The following SHISA9 variants were observed in gnomAD, a reference collection of about 807,000 sequenced individuals.
SHISA9 encodes the protein shisa family member 9, also known as protein shisa-9.
A neutral mutation model predicts 38.0 loss-of-function variants in SHISA9; 13 were observed. The ratio of observed to expected loss-of-function variants is 0.34; its 90% CI spans 0.22 to 0.54. The LOEUF is 0.54. Among genes scored for constraint, SHISA9 ranks in the 20% least tolerant of loss-of-function variants. The probability of loss-of-function intolerance (pLI) is 0.91; values close to 1 mark genes in which losing one functional copy is unlikely to be tolerated. For missense variants in SHISA9, 538 were observed against 575.8 expected, an observed-to-expected ratio of 0.93 and a Z score of 0.67; for synonymous variants, 275 against 242.0, an observed-to-expected ratio of 1.14 and a Z score of -1.27.
intron 2 of SHISA9, among the ~76,000 whole-genome samples, chr16:13,085,709 T>TA (rs984313209): frequency 6.6e-6 from 1 of 152,168 alleles, no homozygotes; most frequent in African/African-American, 2.4e-5. Flanking sequence ...AATCTAGGGC[T>TA]AAAAAAACAC....
intron 4 of SHISA9, among the ~76,000 whole-genome samples, chr16:13,218,710 G>C (rs1308531157): frequency 6.6e-6 from 1 of 152,194 alleles, no homozygotes; most frequent in Non-Finnish European, 1.5e-5. Context: ...CGCTAAACCA[G>C]TGTCTAGCCC....
At chr16:13,497,836 G>T in the SHISA9 span, among the ~76,000 whole-genome samples, 1 of 151,938 alleles carries the variant, frequency 6.6e-6, no homozygotes, top group African/African-American at 2.4e-5. Context: ...AAGATAAATG[G>T]TGCTGGGACA....
chr16:12,908,426 T>C (rs774290749), intron 1 of SHISA9: 31 of 1,546,656 alleles, frequency 2.0e-5, no homozygotes, highest in Admixed American at 5.9e-5. Flanking sequence ...AATTTTGCCA[T>C]AAGCTTATGT....
At chr16:13,301,597 T>C in the SHISA9 span, among the ~76,000 whole-genome samples, 2 of 152,370 alleles carry the variant, frequency 1.3e-5, no homozygotes, top group Admixed American at 6.5e-5. Context: ...ACTAAGCACC[T>C]GTGGTTTTAT....
At chr16:13,511,503 T>C in the SHISA9 span, among the ~76,000 whole-genome samples, 1 of 152,164 alleles carries the variant, frequency 6.6e-6, no homozygotes, top group African/African-American at 2.4e-5. Context: ...CTCCTCTACC[T>C]GAAACAACTT....
chr16:13,006,263 T>G (rs565964711), intron 2 of SHISA9, among the ~76,000 whole-genome samples: 1 of 152,338 alleles, frequency 6.6e-6, no homozygotes, highest in South Asian at 2.1e-4. Context: ...TGGCTGCATT[T>G]TCTCTAAGCA....
intron 2 of SHISA9, among the ~76,000 whole-genome samples, chr16:13,165,178 C>A (rs1215974045): frequency 6.6e-6 from 1 of 151,660 alleles, no homozygotes. Context: ...TTTTTTTATG[C>A]CTCCTCCTTT....
chr16:13,191,491 G>A (rs762760406), intron 2 of SHISA9, among the ~76,000 whole-genome samples: 2 of 152,216 alleles, frequency 1.3e-5, no homozygotes, highest in Non-Finnish European at 2.9e-5. Flanking sequence ...CTATGTTTCA[G>A]TGCGTTGCTA....
At chr16:13,254,019 C>T in the SHISA9 span, among the ~76,000 whole-genome samples, 4 of 152,090 alleles carry the variant, frequency 2.6e-5, no homozygotes, top group East Asian at 5.8e-4. Flanking sequence ...CTAATTAGGG[C>T]TACTGCACAC....
the SHISA9 span, among the ~76,000 whole-genome samples, chr16:13,253,808 A>T: frequency 2.0e-5 from 3 of 152,196 alleles, no homozygotes; most frequent in East Asian, 5.8e-4. Context: ...AGTATTATGA[A>T]ACGTCCCCAT....
chr16:13,217,936 A>G (rs2051186335), intron 4 of SHISA9, among the ~76,000 whole-genome samples: 3 of 148,220 alleles, frequency 2.0e-5, no homozygotes, highest in Admixed American at 2.0e-4. Context: ...AGGCTGAGGC[A>G]AGAGAATGGC....
chr16:13,002,235 A>G (rs1286370134), intron 2 of SHISA9, among the ~76,000 whole-genome samples: 1 of 152,188 alleles, frequency 6.6e-6, no homozygotes, highest in East Asian at 1.9e-4. Context: ...GTTTAATGTC[A>G]TATGGTTACT....
chr16:13,242,929 A>G (rs1376508401), downstream of SHISA9, among the ~76,000 whole-genome samples: 1 of 152,078 alleles, frequency 6.6e-6, no homozygotes, highest in Non-Finnish European at 1.5e-5. Flanking sequence ...ATCTGAGACA[A>G]GTCTGTTAAT....
At chr16:13,345,667 G>T in the SHISA9 span, among the ~76,000 whole-genome samples, 1 of 152,108 alleles carries the variant, frequency 6.6e-6, no homozygotes, top group South Asian at 2.1e-4. Flanking sequence ...GGTCTTTGAC[G>T]AATCACTACA....
At chr16:13,152,071 G>A (rs1257400157) in intron 2 of SHISA9, among the ~76,000 whole-genome samples, 1 of 152,168 alleles carries the variant, frequency 6.6e-6, no homozygotes, top group African/African-American at 2.4e-5. Flanking sequence ...AAACAAAGCA[G>A]AAACCTTATT....
rs1429595243 is a variant in SHISA9 at position 13,075,348 on chromosome 16, A to AGGCT, written c.692-128038_692-128035dup. Among the ~76,000 whole-genome samples the AGGCT allele has an allele frequency of 2.6e-5, 4 of 152,272 alleles. No homozygotes were observed. In the East Asian group the frequency reaches 7.7e-4, roughly 29 times the overall value. On this transcript the variant is annotated intron_variant, in intron 2 of 4. Coordinates refer to ENST00000558583, the MANE Select transcript of SHISA9 (RefSeq NM_001145204.3). ...GGTGTCAGCCCCTCCAGAGACAGAG[A>AGGCT]GGCTGGCTGGCAGGAGGAGCTTGCA...
At chr16:13,504,477 T>C in the SHISA9 span, among the ~76,000 whole-genome samples, 1 of 152,072 alleles carries the variant, frequency 6.6e-6, no homozygotes, top group Non-Finnish European at 1.5e-5. Context: ...AATAATCCCA[T>C]TAGTCACATT....
At chr16:13,010,122 G>A (rs2072652590) in intron 2 of SHISA9, among the ~76,000 whole-genome samples, 1 of 152,082 alleles carries the variant, frequency 6.6e-6, no homozygotes. Context: ...AGACTGCAGT[G>A]ACCTATGATT....
At chr16:12,984,646 C>A (rs2072283263) in intron 2 of SHISA9, among the ~76,000 whole-genome samples, 1 of 152,076 alleles carries the variant, frequency 6.6e-6, no homozygotes, top group Admixed American at 6.5e-5. Context: ...GGTTTAAAAC[C>A]TAGGGTTTTT....
Sources: gnomAD v4.1 joint callset for allele counts (sites outside exome capture counted in the v4.1 genomes callset) on GRCh38, gnomAD v4.1.1 for gene constraint, MANE v1.5 for transcripts, NCBI Gene and HGNC (gene_info 2026-07-23, HGNC 2026-07-21) for gene names.